Variants in SNX24 observed in about 807,000 individuals in gnomAD.
SNX24 encodes sorting nexin 24.
Under a neutral mutation model 28.7 loss-of-function variants are expected in SNX24, and 22 were observed. The ratio of observed to expected loss-of-function variants is 0.77; its 90% CI spans 0.55 to 1.10. The LOEUF is 1.10. Ranked by LOEUF, SNX24 falls within the 50% of genes least tolerant of loss-of-function variation. SNX24 has a pLI of 0.00. For synonymous variants in SNX24, 69 were observed against 71.5 expected (o/e 0.96, Z 0.18); for missense variants, 221 against 201.1 (o/e 1.10, Z -0.60).
At chr5:122,896,482 T>A (rs1561562021) in intron 1 of SNX24, among the ~76,000 whole-genome samples, 2 of 152,252 alleles carry the variant, frequency 1.3e-5, no homozygotes, top group Non-Finnish European at 1.5e-5. Flanking sequence ...ATGTTGCCTT[T>A]GGTGGCAGCC....
chr5:123,009,509 C>T (rs140538045), downstream of SNX24, among the ~76,000 whole-genome samples: 42 of 152,268 alleles, frequency 2.8e-4, no homozygotes, highest in East Asian at 1.7e-3. Flanking sequence ...TGATGACTTT[C>T]GCTTTTTATA....
At chr5:122,955,783 A>G (rs1760180243) in intron 3 of SNX24, among the ~76,000 whole-genome samples, 1 of 152,148 alleles carries the variant, frequency 6.6e-6, no homozygotes, top group Non-Finnish European at 1.5e-5. Context: ...TTCCGCTGAC[A>G]CCATAAGAGG....
At position 122,902,534 on chromosome 5, in the gene SNX24, C is replaced by T. The variant is rs866454723; in HGVS notation, c.61-34200C>T. Among the ~76,000 whole-genome samples the T allele has an allele frequency of 3.3e-5, 5 of 152,182 alleles. No homozygotes were observed. The South Asian group carries it at 8.3e-4, about 25-fold the overall frequency. On this transcript the variant is annotated intron_variant, in intron 1 of 6. Coordinates refer to ENST00000261369, the MANE Select transcript of SNX24 (RefSeq NM_014035.4). ...ACACCTCCCCTCTAACAACCTCCACCTGGCAACCTTCATTCCAGATGAAAC... is the reference window on the plus strand; with the variant it reads ...ACACCTCCCCTCTAACAACCTCCACTTGGCAACCTTCATTCCAGATGAAAC...
chr5:122,960,116 C>G (rs1760422294), intron 3 of SNX24, among the ~76,000 whole-genome samples: 1 of 152,204 alleles, frequency 6.6e-6, no homozygotes. Flanking sequence ...TTTCCTTCCC[C>G]ATGATGCAGT....
chr5:122,856,925 A>G (rs1396460372), intron 1 of SNX24, among the ~76,000 whole-genome samples: 2 of 152,140 alleles, frequency 1.3e-5, no homozygotes, highest in African/African-American at 4.8e-5. Context: ...GGGTCTCCTC[A>G]GTATCTTTCC....
At chr5:123,026,366 G>A (rs1332465846) in intron 5 of SNX24, among the ~76,000 whole-genome samples, 1 of 152,136 alleles carries the variant, frequency 6.6e-6, no homozygotes, top group Non-Finnish European at 1.5e-5. Flanking sequence ...GAGGCTCAAA[G>A]CTCAGGACAG....
chr5:122,848,766 G>C (rs1405191308), intron 1 of SNX24, among the ~76,000 whole-genome samples: 1 of 152,108 alleles, frequency 6.6e-6, no homozygotes, highest in African/African-American at 2.4e-5. Flanking sequence ...AACAAATTCA[G>C]TAATAGGAAG....
downstream of SNX24, among the ~76,000 whole-genome samples, chr5:123,011,704 C>T (rs916543970): frequency 1.3e-5 from 2 of 152,108 alleles, no homozygotes; most frequent in African/African-American, 2.4e-5. Flanking sequence ...AAATTGCAAC[C>T]CTTGTAACTG....
intron 1 of SNX24, chr5:122,853,633 A>T: frequency 2.8e-6 from 1 of 355,560 alleles, no homozygotes; most frequent in Non-Finnish European, 5.7e-6. Flanking sequence ...TTTAGATGTT[A>T]TTTTCAAATT....
chr5:123,001,376 T>G, intron 4 of SNX24, 29 bp from the exon 5 acceptor site: 1 of 1,539,408 alleles, frequency 6.5e-7, no homozygotes, highest in Non-Finnish European at 9.0e-7. Context: ...TGTGGTTTTT[T>G]TGTTTTTTTC....
At chr5:122,917,743 G>A (rs1758242789) in intron 1 of SNX24, among the ~76,000 whole-genome samples, 1 of 152,136 alleles carries the variant, frequency 6.6e-6, no homozygotes, top group Non-Finnish European at 1.5e-5. Flanking sequence ...TTATAAGTGG[G>A]TGCCCTAGCT....
intron 1 of SNX24, among the ~76,000 whole-genome samples, chr5:122,913,825 G>A (rs143159158): frequency 0.11 from 16,200 of 152,218 alleles, 1,252 homozygotes; most frequent in East Asian, 0.36. Flanking sequence ...GCACCATTGA[G>A]CACTGAGTGA....
chr5:122,875,618 T>C (rs1756189115), intron 1 of SNX24, among the ~76,000 whole-genome samples: 2 of 152,208 alleles, frequency 1.3e-5, no homozygotes, highest in Non-Finnish European at 2.9e-5. Context: ...CCTAGCACAG[T>C]GCAAGGCACG....
intron 1 of SNX24, among the ~76,000 whole-genome samples, chr5:122,846,229 A>C (rs946803962): frequency 6.6e-6 from 1 of 152,138 alleles, no homozygotes; most frequent in African/African-American, 2.4e-5. Context: ...TGAAATGGCA[A>C]AATTACTTGC....
At position 123,008,770 on chromosome 5, in the gene SNX24, A is replaced by G; in HGVS notation, c.*1021A>G. Reference sequence around the variant, plus strand: ...TTTCCTTACGGCTTCCTTTTCACTGACCTCATTTGTTGAGTTAATGTAAGT... The same window carrying G: ...TTTCCTTACGGCTTCCTTTTCACTGGCCTCATTTGTTGAGTTAATGTAAGT... On this transcript the variant is annotated 3_prime_UTR_variant, in exon 7 of 7. Transcript: ENST00000261369. The G allele has an allele frequency of 1.5e-6, 1 of 660,000 alleles. No homozygotes were observed. Among genetic ancestry groups the G allele is most frequent in the Non-Finnish European group, 1.9e-6 (1 of 533,090 alleles). The allele number at this position is 660,000 out of a possible 1,614,324, so 40.9% of individuals were successfully genotyped here.
chr5:122,897,441 C>T lies in SNX24; in HGVS notation c.61-39293C>T, dbSNP rs536254636. Among the ~76,000 whole-genome samples the T allele has an allele frequency of 9.2e-5, 14 of 152,124 alleles. No homozygotes were observed. In the South Asian group the frequency reaches 2.5e-3, roughly 27 times the overall value. ...TGAAAATACTTATTTTGGATGCATTCATAAGAATTAGAAGACAGCATATAG... is the reference window on the plus strand; with the variant it reads ...TGAAAATACTTATTTTGGATGCATTTATAAGAATTAGAAGACAGCATATAG... On this transcript the variant is annotated intron_variant, in intron 1 of 6. Transcript: ENST00000261369.
intron 1 of SNX24, among the ~76,000 whole-genome samples, chr5:122,900,550 T>C (rs1162973911): frequency 6.6e-6 from 1 of 152,106 alleles, no homozygotes; most frequent in African/African-American, 2.4e-5. Context: ...GAGGATCTGC[T>C]TAAGGCTAGG....
chr5:123,025,011 C>T (rs924629046), intron 5 of SNX24, among the ~76,000 whole-genome samples: 2 of 152,120 alleles, frequency 1.3e-5, no homozygotes, highest in Admixed American at 6.6e-5. Context: ...CTTTGAGACC[C>T]AACAGTATAG....
chr5:122,847,266 C>G (rs1319666773), intron 1 of SNX24, among the ~76,000 whole-genome samples: 2 of 152,092 alleles, frequency 1.3e-5, no homozygotes, highest in Non-Finnish European at 2.9e-5. Flanking sequence ...TTCTATTAGA[C>G]GAGCTGTGCT....
Sources: allele counts gnomAD v4.1 joint callset (sites outside exome capture counted in the v4.1 genomes callset), GRCh38; gene constraint gnomAD v4.1.1; transcripts MANE v1.5; gene names NCBI Gene and HGNC (gene_info 2026-07-23, HGNC 2026-07-21).